The following KIF23 variants were observed in gnomAD, a reference collection of about 807,000 sequenced individuals.
KIF23 encodes kinesin-like protein KIF23.
Under a neutral mutation model 137.5 loss-of-function variants are expected in KIF23, and 30 were observed. That is an observed-to-expected ratio of 0.22 (90% confidence interval 0.16 to 0.30). KIF23 has a LOEUF of 0.30. Among genes scored for constraint, KIF23 ranks in the 10% least tolerant of loss-of-function variants. The probability of loss-of-function intolerance (pLI) is 1.00; values close to 1 mark genes in which losing one functional copy is unlikely to be tolerated. For synonymous variants in KIF23, 367 were observed against 391.1 expected (o/e 0.94, Z 0.73); for missense variants, 920 against 1,194.3 (o/e 0.77, Z 3.38).
chr15:69,422,269 T>C (rs2057075181), intron 5 of KIF23, 57 bp from the exon 6 acceptor site: 4 of 1,462,630 alleles, frequency 2.7e-6, no homozygotes, highest in Non-Finnish European at 3.8e-6. Flanking sequence ...TTTCTTACTA[T>C]TTAAGTTAAA....
chr15:69,434,939 G>A (rs1025415995), intron 11 of KIF23: 4 of 673,694 alleles, frequency 5.9e-6, no homozygotes, highest in South Asian at 1.8e-5. Flanking sequence ...AGCTGTACGC[G>A]GGCATGAGGA....
chr15:69,438,801 CAA>C (rs879333853), intron 16 of KIF23, among the ~76,000 whole-genome samples: 1 of 138,422 alleles, frequency 7.2e-6, no homozygotes. Flanking sequence ...GACTCTGTCT[CAA>C]AAAAAAAAAG....
chr15:69,428,678 A>C (rs796316381), intron 10 of KIF23, among the ~76,000 whole-genome samples: 77 of 151,638 alleles, frequency 5.1e-4, no homozygotes, highest in Non-Finnish European at 9.3e-4. Context: ...AAAAAAAAAA[A>C]AAAAAAACAA....
At chr15:69,431,295 G>A (rs2057349946) in intron 11 of KIF23, among the ~76,000 whole-genome samples, 1 of 152,224 alleles carries the variant, frequency 6.6e-6, no homozygotes, top group African/African-American at 2.4e-5. Flanking sequence ...TTGACTTGAG[G>A]TTTATAGGTT....
intron 3 of KIF23, 44 bp downstream of exon 3, chr15:69,417,555 T>A: frequency 6.3e-7 from 1 of 1,580,314 alleles, no homozygotes; most frequent in South Asian, 1.2e-5. Flanking sequence ...AATATGTTGT[T>A]TCCTGAATGA....
At position 69,422,371 on chromosome 15, in the gene KIF23, G is replaced by T. The variant is rs764608770; in HGVS notation, c.499G>T (p.Val167Phe). 1.1e-5 allele frequency: 18 copies of T among 1,611,616 alleles called. No individual in the cohort carries two copies. Among genetic ancestry groups the T allele is most frequent in the Non-Finnish European group, 1.4e-5 (17 of 1,178,074 alleles). Residue 167 changes from valine to phenylalanine, a missense_variant, in exon 6 of 24, where the codon GTT becomes TTT. Around this residue, in one of 4 missense-constraint regions of KIF23, gnomAD observed 714 missense variants for 866.2 expected, o/e 0.82. Transcript: ENST00000679126. ...GAATAGTATGGATATACAGTGTGAGGTTGATGCCTTATTAGAACGTCAGAA... is the reference window on the plus strand; with the variant it reads ...GAATAGTATGGATATACAGTGTGAGTTTGATGCCTTATTAGAACGTCAGAA... ...DRNSMDIQCE[V>F]DALLERQKRE...
chr15:69,447,996 C>A lies in KIF23; in HGVS notation c.*189C>A, dbSNP rs192557685. 1.1e-3 allele frequency: 505 copies of A among 460,330 alleles called. No homozygotes were observed. The highest frequency in any genetic ancestry group is 1.6e-3 in the Non-Finnish European group (419 of 256,156). 28.5% of individuals were successfully genotyped at this position (460,330 alleles called of 1,614,324 possible). On this transcript the variant is annotated 3_prime_UTR_variant, in exon 24 of 24. Transcript: ENST00000679126. ...GGTTCCAAAGACAACTAGTATTCAA[C>A]AAACCTTGTATAGTATATGTTTTGC...
At chr15:69,427,657 C>A (rs1233092609) in intron 10 of KIF23, among the ~76,000 whole-genome samples, 2 of 152,154 alleles carry the variant, frequency 1.3e-5, no homozygotes, top group African/African-American at 4.8e-5. Context: ...GCCTGGCCTG[C>A]CACAGTACAA....
intron 19 of KIF23, among the ~76,000 whole-genome samples, chr15:69,443,326 G>GTTTTTTTT (rs10538305): frequency 6.8e-5 from 4 of 58,598 alleles, no homozygotes; most frequent in Non-Finnish European, 9.5e-5. Context: ...TGTTTTTTGG[G>GTTTTTTTT]TTTTTTTTTT....
In KIF23 at chr15:69,426,206, A is replaced by G. The variant is rs114212635; in HGVS notation, c.889+24A>G. The stretch of plus-strand genomic sequence containing the variant: ...AGGTTAGAAACACCTAGAACTAGAA[A>G]AATACAGAATGATGAATATCACCTA... On this transcript the variant is annotated intron_variant, in intron 9 of 23. Coordinates refer to ENST00000679126, the MANE Select transcript of KIF23 (RefSeq NM_001367805.3). 1,906 of 1,593,080 alleles carry G rather than the reference A, an allele frequency of 1.2e-3. 24 individuals are homozygous for G. The African/African-American group carries it at 0.022, about 18-fold the overall frequency.
intron 19 of KIF23, among the ~76,000 whole-genome samples, chr15:69,442,813 CTT>C: frequency 6.6e-6 from 1 of 152,276 alleles, no homozygotes; most frequent in South Asian, 2.1e-4. Flanking sequence ...ATCAAAATCT[CTT>C]TAGAAGTGCA....
Position 69,417,421 on chromosome 15 carries a change from A to G in KIF23, c.120A>G (p.Gln40=). The G allele has an allele frequency of 1.2e-6, 2 of 1,613,230 alleles. No individual in the cohort carries two copies. The change falls in exon 3 of 24, where the codon CAA becomes CAG. Residue 40 remains glutamine (Q), a synonymous_variant. Transcript: ENST00000679126. ...TGCGCCCACTGGGCTTTCCTGATCA[A>G]GAGTGTTGCATAGAAGTGATCAATA... ...CRVRPLGFPD[Q]ECCIEVINNT...
chr15:69,419,560 C>T (rs781355341), intron 3 of KIF23, among the ~76,000 whole-genome samples: 16 of 152,180 alleles, frequency 1.1e-4, no homozygotes, highest in African/African-American at 2.7e-4. Context: ...ATCACCTCCT[C>T]GGGTTGTATA....
chr15:69,443,752 T>C (rs1252107449), intron 19 of KIF23: 1 of 152,032 alleles, frequency 6.6e-6, no homozygotes, highest in African/African-American at 2.4e-5. Flanking sequence ...AATTTAGCAT[T>C]CCCAGGTTTA....
chr15:69,446,208 T>C, intron 21 of KIF23, 75 bp from the exon 22 acceptor site: 1 of 1,432,934 alleles, frequency 7.0e-7, no homozygotes, highest in Non-Finnish European at 9.9e-7. Flanking sequence ...ATGTAGATAG[T>C]ATTCCCCTAC....
In KIF23 at chr15:69,440,582, C is replaced by G; in HGVS notation, c.2109+95C>G. ...ATGAGGATTTTTACATTTTATAATA[C>G]TTACATTTCTGAAATTTCTCTAAAA... On this transcript the variant is annotated intron_variant, in intron 18 of 23. Coordinates refer to ENST00000679126, the MANE Select transcript of KIF23 (RefSeq NM_001367805.3). 4.8e-6 allele frequency: 6 copies of G among 1,244,824 alleles called. No individual in the cohort carries two copies. The South Asian group carries it at 8.6e-5, about 18-fold the overall frequency. The allele number at this position is 1,244,824 out of a possible 1,614,324, so 77.1% of individuals were successfully genotyped here. A position where few individuals can be genotyped will look rare whatever the true frequency, so the allele number is the denominator to read the frequency against.
intron 10 of KIF23, 84 bp downstream of exon 10, chr15:69,426,541 A>AAACC (rs983719199): frequency 6.8e-7 from 1 of 1,470,606 alleles, no homozygotes; most frequent in Non-Finnish European, 9.3e-7. Context: ...AACATGGCAA[A>AAACC]AACCTGTCTC....
intron 16 of KIF23, 118 bp from the exon 17 acceptor site, chr15:69,439,786 T>C: frequency 3.0e-6 from 2 of 659,404 alleles, no homozygotes; most frequent in Middle Eastern, 8.4e-4. Context: ...AAAAAGTGCT[T>C]TCTCCATGAT....
chr15:69,427,996 C>G (rs183181758), intron 10 of KIF23, among the ~76,000 whole-genome samples: 1 of 152,120 alleles, frequency 6.6e-6, no homozygotes, highest in African/African-American at 2.4e-5. Context: ...CAGTGACTCA[C>G]GCCTGTAATC....
Sources: allele counts gnomAD v4.1 joint callset (sites outside exome capture counted in the v4.1 genomes callset), GRCh38; gene constraint gnomAD v4.1.1; regional missense constraint gnomAD v4.1.1; transcripts MANE v1.5; gene names NCBI Gene and HGNC (gene_info 2026-07-23, HGNC 2026-07-21).